EVL: variants seen among roughly 807,000 people sequenced by gnomAD.
EVL encodes the protein ena/VASP-like protein.
EVL carries 21 observed loss-of-function variants against 59.6 expected under a neutral mutation model. That is an observed-to-expected ratio of 0.35 (90% CI 0.25 to 0.51). The LOEUF is 0.51. Ranked by LOEUF, EVL falls within the 20% of genes least tolerant of loss-of-function variation. The probability of loss-of-function intolerance (pLI) is 0.97; values close to 1 mark genes in which losing one functional copy is unlikely to be tolerated. For missense variants in EVL, 462 were observed against 546.6 expected, an observed-to-expected ratio of 0.85 and a Z score of 1.54; for synonymous variants, 198 against 203.5, an observed-to-expected ratio of 0.97 and a Z score of 0.23.
intron 6 of EVL, 107 bp from the exon 7 acceptor site, chr14:100,129,456 T>TGCC: frequency 6.6e-7 from 1 of 1,520,142 alleles, no homozygotes; most frequent in Non-Finnish European, 9.0e-7. Context: ...GCAGTGCTGC[T>TGCC]GCCATAGGAT....
In EVL at chr14:100,084,679, C is replaced by T. The variant is rs372768218; in HGVS notation, c.12-8C>T. The T allele has an allele frequency of 1.6e-5, 25 of 1,612,734 alleles. No homozygotes were observed. In the Admixed American group the frequency reaches 3.7e-4, roughly 24 times the overall value. ...TGAGGCTGACACCAGTTTTTTCTTG[C>T]TCGGCAGTGAACAGAGTATCTGCCA... On this transcript the variant is annotated splice_region_variant and splice_polypyrimidine_tract_variant and intron_variant, in intron 1 of 13. Coordinates refer to ENST00000392920, the MANE Select transcript of EVL (RefSeq NM_016337.3).
rs1202979434 is a variant in EVL, at chr14:100,108,667, C to T, written c.358+11009C>T. Among the ~76,000 whole-genome samples, 1 of 152,196 alleles carries T rather than the reference C, an allele frequency of 6.6e-6. No individual in the cohort carries two copies. The highest frequency in any genetic ancestry group is 1.5e-5 in the Non-Finnish European group (1 of 68,028). On this transcript the variant is annotated intron_variant, in intron 3 of 13. Coordinates refer to ENST00000392920, the MANE Select transcript of EVL (RefSeq NM_016337.3). The surrounding 1 kb of genome is among the most constrained non-coding windows in gnomAD (Gnocchi z 4.1). ...CTCAGGCTCTCCTGTGCCCCTGGCC[C>T]TTCTTCCCCTCTCACTTTTCCCCAC...
At chr14:100,133,138 C>T (rs1888546184) in intron 8 of EVL, among the ~76,000 whole-genome samples, 1 of 152,194 alleles carries the variant, frequency 6.6e-6, no homozygotes, top group Non-Finnish European at 1.5e-5. Flanking sequence ...CAGAGGGGCA[C>T]GTCTGCCAGA....
chr14:100,047,581 A>G (rs887132312), intron 1 of EVL, among the ~76,000 whole-genome samples: 1 of 152,130 alleles, frequency 6.6e-6, no homozygotes, highest in African/African-American at 2.4e-5. Context: ...TTATTATCTT[A>G]GTTGCCGTCA....
chr14:100,009,274 G>A (rs151058162), intron 1 of EVL, among the ~76,000 whole-genome samples: 36 of 152,320 alleles, frequency 2.4e-4, no homozygotes, highest in African/African-American at 4.3e-4. Flanking sequence ...GAACACACCC[G>A]TGTGGCCTCA....
intron 1 of EVL, among the ~76,000 whole-genome samples, chr14:100,011,517 A>G (rs912475995): frequency 1.3e-5 from 2 of 152,342 alleles, no homozygotes; most frequent in African/African-American, 4.8e-5. Context: ...ACACATATAT[A>G]CTAAATATTT....
At chr14:99,985,494 G>A (rs555459795) in intron 1 of EVL, among the ~76,000 whole-genome samples, 1 of 152,092 alleles carries the variant, frequency 6.6e-6, no homozygotes, top group South Asian at 2.1e-4. Flanking sequence ...TTGGCCAGGC[G>A]TGGTGGCTCA....
rs1030487736 is a variant in EVL at position 100,033,627 on chromosome 14, T to G, written c.6-51060T>G. On this transcript the variant is annotated intron_variant, in intron 1 of 13. Coordinates refer to the EVL transcript ENST00000402714. Reference sequence around the variant, plus strand: ...TATAATGTTTTATTGAATAAGTGGCTCTCTCACACTTACTGAACTTGACTA... The same window carrying G: ...TATAATGTTTTATTGAATAAGTGGCGCTCTCACACTTACTGAACTTGACTA... Among the ~76,000 whole-genome samples the G allele has an allele frequency of 2.6e-5, 4 of 152,358 alleles. No individual in the cohort carries two copies. In the East Asian group the frequency reaches 7.7e-4, roughly 29 times the overall value.
At chr14:100,074,452 T>G (rs1268695957) in intron 1 of EVL, 2 of 152,216 alleles carry the variant, frequency 1.3e-5, no homozygotes, top group African/African-American at 2.4e-5. Flanking sequence ...TTATTTGATC[T>G]CCAGCAAAGG....
chr14:100,090,466 C>A (rs1405078631), intron 2 of EVL, among the ~76,000 whole-genome samples: 1 of 152,104 alleles, frequency 6.6e-6, no homozygotes, highest in East Asian at 1.9e-4. Flanking sequence ...TGCTGTATAA[C>A]CATGATACAA....
At chr14:100,055,254 A>G (rs1383185740) in intron 1 of EVL, among the ~76,000 whole-genome samples, 1 of 151,614 alleles carries the variant, frequency 6.6e-6, no homozygotes, top group East Asian at 1.9e-4. Context: ...TCTGAGTATC[A>G]TATAAATGTA....
chr14:100,102,219 G>T (rs1172403461), intron 3 of EVL: 4 of 454,844 alleles, frequency 8.8e-6, no homozygotes, highest in Non-Finnish European at 1.8e-5. Flanking sequence ...ATTTTTATCA[G>T]TACCTTTGAC....
intron 3 of EVL, among the ~76,000 whole-genome samples, chr14:100,104,742 A>G (rs1053719091): frequency 9.9e-5 from 15 of 152,214 alleles, no homozygotes; most frequent in African/African-American, 3.4e-4. Flanking sequence ...TATTTGAGAA[A>G]GAGTTTCCTT....
chr14:99,983,886 C>T (rs1409313775), intron 1 of EVL, among the ~76,000 whole-genome samples: 2 of 152,140 alleles, frequency 1.3e-5, no homozygotes, highest in Non-Finnish European at 1.5e-5. Context: ...CATATTTCCT[C>T]TTCTGTAACT....
At chr14:100,075,540 C>T (rs561317060) in intron 1 of EVL, among the ~76,000 whole-genome samples, 11 of 152,292 alleles carry the variant, frequency 7.2e-5, no homozygotes, top group African/African-American at 2.4e-4. Flanking sequence ...CACTACTCAC[C>T]CCTTATTAAC....
intron 1 of EVL, among the ~76,000 whole-genome samples, chr14:99,983,535 C>T (rs1202852300): frequency 6.6e-6 from 1 of 152,208 alleles, no homozygotes; most frequent in Admixed American, 6.5e-5. Context: ...ACACCCTTCT[C>T]CAGTCCTTTT....
intron 1 of EVL, among the ~76,000 whole-genome samples, chr14:99,989,245 G>A (rs2060860105): frequency 6.6e-6 from 1 of 152,180 alleles, no homozygotes; most frequent in Middle Eastern, 3.4e-3. Flanking sequence ...GTTCCCTCCT[G>A]TCACATCCAG....
intron 1 of EVL, among the ~76,000 whole-genome samples, chr14:100,007,221 G>C (rs1439452697): frequency 6.6e-6 from 1 of 151,982 alleles, no homozygotes; most frequent in Non-Finnish European, 1.5e-5. Flanking sequence ...ATATATATTG[G>C]TTCCCTCTAG....
chr14:99,991,344 T>G (rs2060874541), intron 1 of EVL, among the ~76,000 whole-genome samples: 1 of 152,230 alleles, frequency 6.6e-6, no homozygotes, highest in Admixed American at 6.5e-5. Flanking sequence ...ATCTGATTGA[T>G]TTTCTATGTG....
Sources: gnomAD v4.1 joint callset for allele counts (sites outside exome capture counted in the v4.1 genomes callset) on GRCh38, gnomAD v4.1.1 for gene constraint, Gnocchi (gnomAD v3.1) non-coding constraint, MANE v1.5 for transcripts, NCBI Gene and HGNC (gene_info 2026-07-23, HGNC 2026-07-21) for gene names.